The following ITGA11 variants were observed in gnomAD, a reference collection of about 807,000 sequenced individuals.
ITGA11 encodes the protein integrin subunit alpha 11.
In ITGA11, 97 loss-of-function variants were observed where a neutral mutation model predicts 141.9. The observed-to-expected ratio is 0.68, with a 90% CI of 0.58 to 0.81. The LOEUF (loss-of-function observed/expected upper bound fraction) is 0.81, where lower values mean the gene tolerates loss of function less well. Ranked by LOEUF, ITGA11 falls within the 30% of genes least tolerant of loss-of-function variation. The pLI, the probability that ITGA11 is intolerant of heterozygous loss-of-function variation, is 0.00. For missense variants in ITGA11, 1,387 were observed against 1,559.2 expected (o/e 0.89, Z 1.86); for synonymous variants, 658 against 624.6 (o/e 1.05, Z -0.80).
rs774076691 is a variant in ITGA11, at chr15:68,332,110, C to T, written c.1567-48G>A. On this transcript the variant is annotated intron_variant, in intron 13 of 29. Coordinates refer to ENST00000315757, the MANE Select transcript of ITGA11 (RefSeq NM_001004439.2). ...AGGCTGGGGAGGGTTTGGCAAAAGT[C>T]CTCAGGCTCATAATTCCCTCTGCAG... 29 of 1,480,096 alleles carry T rather than the reference C, an allele frequency of 2.0e-5. No homozygotes were observed. The South Asian group carries it at 2.3e-4, about 12-fold the overall frequency. The allele number at this position is 1,480,096 out of a possible 1,614,324, so 91.7% of individuals were successfully genotyped here. A position where few individuals can be genotyped will look rare whatever the true frequency, so the allele number is the denominator to read the frequency against.
chr15:68,367,274 T>C (rs1039887685), intron 3 of ITGA11, among the ~76,000 whole-genome samples: 1 of 152,102 alleles, frequency 6.6e-6, no homozygotes, highest in African/African-American at 2.4e-5. Context: ...TCCACGTCCC[T>C]GCCTGGACCA....
intron 12 of ITGA11, 114 bp from the exon 13 acceptor site, chr15:68,332,592 G>T (rs1427256262): frequency 2.2e-5 from 26 of 1,179,214 alleles, no homozygotes; most frequent in Non-Finnish European, 3.1e-5. Context: ...AGAATTTTTG[G>T]TGAACAAATG....
At chr15:68,355,866 T>C (rs1895056678) in intron 7 of ITGA11, among the ~76,000 whole-genome samples, 1 of 152,178 alleles carries the variant, frequency 6.6e-6, no homozygotes. Flanking sequence ...TTCATATTTA[T>C]AGGTGTAACA....
chr15:68,420,479 G>A (rs1353213216), intron 1 of ITGA11, among the ~76,000 whole-genome samples: 1 of 152,138 alleles, frequency 6.6e-6, no homozygotes, highest in Non-Finnish European at 1.5e-5. Flanking sequence ...CTGCCCATTT[G>A]TAAGCGATGC....
At chr15:68,361,965 C>A in intron 4 of ITGA11, 1 of 387,640 alleles carries the variant, frequency 2.6e-6, no homozygotes, top group Non-Finnish European at 4.8e-6. Context: ...TTCTCCATCT[C>A]ATCATTTAGG....
Position 68,302,803 on chromosome 15 carries a change from T to G in ITGA11, c.*256A>C. On this transcript the variant is annotated 3_prime_UTR_variant, in exon 30 of 30. Transcript: ENST00000315757. ...AGGGAGGCCTTGGCATGGGCCTGGGTGTGTGTAGGGGTGTCCCTTTAAATC... is the reference window on the plus strand; with the variant it reads ...AGGGAGGCCTTGGCATGGGCCTGGGGGTGTGTAGGGGTGTCCCTTTAAATC... 2.4e-6 allele frequency: 1 copy of G among 417,870 alleles called. No homozygotes were observed. Among genetic ancestry groups the G allele is most frequent in the African/African-American group, 2.1e-5 (1 of 48,386 alleles). The allele number at this position is 417,870 out of a possible 1,614,324, so 25.9% of individuals were successfully genotyped here. A position where few individuals can be genotyped will look rare whatever the true frequency, so the allele number is the denominator to read the frequency against.
At chr15:68,424,631 C>T (rs895688168) in intron 1 of ITGA11, among the ~76,000 whole-genome samples, 5 of 152,186 alleles carry the variant, frequency 3.3e-5, no homozygotes, top group Non-Finnish European at 7.4e-5. Context: ...TGACCCTCTA[C>T]AATTCCATGC....
In ITGA11 at chr15:68,339,504, G is replaced by T. The variant is rs757000266; in HGVS notation, c.1272C>A (p.Tyr424Ter). 1 of 1,612,812 alleles carries T rather than the reference G, an allele frequency of 6.2e-7. No homozygotes were observed. Among genetic ancestry groups the T allele is most frequent in the Non-Finnish European group, 8.5e-7 (1 of 1,179,426 alleles). ...CCCCTCACTCTGCGCTCTTACCCAG[G>T]TATGCACCATGGTTCTTGAGCTCCT... ...FPEELKNHGA[Y>*]LGYTVTSVVS... The change falls in exon 11 of 30, where the codon TAC (tyrosine) becomes TAA (stop). Residue 424 changes from tyrosine to a stop codon, truncating the protein, a stop_gained. Coordinates refer to ENST00000315757, the MANE Select transcript of ITGA11 (RefSeq NM_001004439.2). LOFTEE classifies it high-confidence loss of function.
chr15:68,315,897 A>G (rs942273860), intron 21 of ITGA11, among the ~76,000 whole-genome samples, 170 bp from the exon 22 acceptor site: 10 of 152,180 alleles, frequency 6.6e-5, no homozygotes, highest in Non-Finnish European at 1.5e-5. Flanking sequence ...GCTACAGAAC[A>G]TGAGCTGAGC....
intron 5 of ITGA11, among the ~76,000 whole-genome samples, chr15:68,359,674 A>C (rs538228223): frequency 0.058 from 8,277 of 143,120 alleles, 778 homozygotes; most frequent in African/African-American, 0.2. Flanking sequence ...ACAAACAAAT[A>C]AAAAAAAAAC....
chr15:68,360,189 C>A (rs1895196436), intron 5 of ITGA11, among the ~76,000 whole-genome samples: 1 of 152,218 alleles, frequency 6.6e-6, no homozygotes, highest in Non-Finnish European at 1.5e-5. Context: ...TTCGGCTCCA[C>A]ACATGTGGAC....
chr15:68,410,870 C>T (rs1412493781), intron 1 of ITGA11, among the ~76,000 whole-genome samples: 2 of 152,222 alleles, frequency 1.3e-5, no homozygotes, highest in Non-Finnish European at 2.9e-5. Context: ...GCCTTCATTA[C>T]AGAAGAGCTT....
intron 10 of ITGA11, among the ~76,000 whole-genome samples, chr15:68,343,869 G>A (rs940539965): frequency 3.3e-5 from 5 of 152,208 alleles, no homozygotes; most frequent in African/African-American, 1.2e-4. Context: ...AGGCTTAAAT[G>A]GGGTGTGGGC....
At chr15:68,314,961 C>T (rs939971193) in intron 22 of ITGA11, among the ~76,000 whole-genome samples, 7 of 152,156 alleles carry the variant, frequency 4.6e-5, no homozygotes, top group African/African-American at 1.7e-4. Context: ...TCCTTCCCCA[C>T]ACAGAGGTAA....
intron 1 of ITGA11, among the ~76,000 whole-genome samples, chr15:68,429,320 G>T (rs1331109463): frequency 1.3e-5 from 2 of 152,206 alleles, no homozygotes; most frequent in Non-Finnish European, 2.9e-5. Context: ...CGCTGTGTCT[G>T]ATCTCACTTT....
chr15:68,364,612 C>T, intron 4 of ITGA11, 95 bp downstream of exon 4: 2 of 965,836 alleles, frequency 2.1e-6, no homozygotes, highest in South Asian at 1.4e-5. Flanking sequence ...AGTGGGTGTA[C>T]AGGATGGACA....
intron 2 of ITGA11, among the ~76,000 whole-genome samples, chr15:68,370,101 C>G (rs1245618557): frequency 2.0e-5 from 3 of 152,174 alleles, no homozygotes; most frequent in Non-Finnish European, 4.4e-5. Context: ...TCCCCCAGAG[C>G]CTGCGGAGGG....
Position 68,410,533 on chromosome 15 carries a change from A to G in ITGA11, c.53-7504T>C, listed in dbSNP as rs192974067. ...AGTGAACCTCTTGCTGCTATGGGGG[A>G]AAAAAAACAACCCATTCAAAAGTGA... On this transcript the variant is annotated intron_variant, in intron 1 of 29. Transcript: ENST00000315757. Among the ~76,000 whole-genome samples, 7 of 140,294 alleles carry G rather than the reference A, an allele frequency of 5.0e-5. No homozygotes were observed. In the East Asian group the frequency reaches 1.5e-3, roughly 29 times the overall value. 92.0% of individuals were successfully genotyped at this position (140,294 alleles called of 152,430 possible). A position where few individuals can be genotyped will look rare whatever the true frequency, so the allele number is the denominator to read the frequency against.
At position 68,303,904 on chromosome 15, in the gene ITGA11, C is replaced by T. The variant is rs565489893; in HGVS notation, c.3382-19G>A. ...ACACGATCTGCAAGGGGAGGGGGGC[C>T]GGGCCAACAGCATTACTCTTCTGGG... On this transcript the variant is annotated intron_variant, in intron 28 of 29. Coordinates refer to ENST00000315757, the MANE Select transcript of ITGA11 (RefSeq NM_001004439.2). This position sits in a 1 kb window ranked among gnomAD's most constrained non-coding sequence, Gnocchi z 5.3. The T allele has an allele frequency of 3.3e-5, 51 of 1,532,554 alleles. No homozygotes were observed. Among genetic ancestry groups the T allele is most frequent in the Non-Finnish European group, 4.2e-5 (46 of 1,108,328 alleles). 94.9% of individuals were successfully genotyped at this position (1,532,554 alleles called of 1,614,324 possible).
Sources: gnomAD v4.1 joint callset for allele counts (sites outside exome capture counted in the v4.1 genomes callset) on GRCh38, gnomAD v4.1.1 for gene constraint, Gnocchi (gnomAD v3.1) non-coding constraint, MANE v1.5 for transcripts, NCBI Gene and HGNC (gene_info 2026-07-23, HGNC 2026-07-21) for gene names.